The following EZH2 variants were observed in gnomAD, a reference collection of about 807,000 sequenced individuals.
The protein encoded by EZH2 is enhancer of zeste 2 polycomb repressive complex 2 subunit, also known as histone-lysine N-methyltransferase EZH2.
EZH2 carries 18 observed loss-of-function variants against 98.4 expected under a neutral mutation model. The ratio of observed to expected loss-of-function variants is 0.18; its 90% CI spans 0.13 to 0.27. The LOEUF is 0.27. EZH2 is among the 10% of genes least tolerant of loss of function. The pLI is 1.00. For missense variants in EZH2, 470 were observed against 935.1 expected, an observed-to-expected ratio of 0.50 and a Z score of 6.49; for synonymous variants, 338 against 312.3, an observed-to-expected ratio of 1.08 and a Z score of -0.87.
chr7:148,868,594 A>G (rs1818878190), intron 1 of EZH2, among the ~76,000 whole-genome samples: 1 of 152,190 alleles, frequency 6.6e-6, no homozygotes, highest in Non-Finnish European at 1.5e-5. Flanking sequence ...GGGGCCACAG[A>G]GCCAAACTAT....
rs891192477 is a variant in EZH2 at position 148,826,730 on chromosome 7, A to C, written c.729-98T>G. Reference sequence around the variant, plus strand: ...TTTCCATGTGTTACTTTTGATGTTTATCTTGCCTAAAACATAAAGGAATGG... The same window carrying C: ...TTTCCATGTGTTACTTTTGATGTTTCTCTTGCCTAAAACATAAAGGAATGG... On this transcript the variant is annotated intron_variant, in intron 7 of 19. Coordinates refer to ENST00000320356, the MANE Select transcript of EZH2 (RefSeq NM_004456.5). The C allele has an allele frequency of 9.1e-6, 9 of 989,734 alleles. No individual in the cohort carries two copies. In the East Asian group the frequency reaches 2.5e-4, roughly 27 times the overall value. 61.3% of individuals were successfully genotyped at this position (989,734 alleles called of 1,614,324 possible).
chr7:148,811,403 G>C (rs192182915), intron 16 of EZH2, among the ~76,000 whole-genome samples: 1 of 152,136 alleles, frequency 6.6e-6, no homozygotes, highest in Middle Eastern at 3.4e-3. Flanking sequence ...CACCTGCCTC[G>C]GCCTCCCAAA....
At chr7:148,842,863 C>T (rs181125260) in intron 3 of EZH2, among the ~76,000 whole-genome samples, 1 of 151,954 alleles carries the variant, frequency 6.6e-6, no homozygotes, top group African/African-American at 2.4e-5. Flanking sequence ...CCCAGGAGTT[C>T]GAGACCAGCC....
intron 1 of EZH2, among the ~76,000 whole-genome samples, chr7:148,860,047 C>T (rs937724473): frequency 1.3e-5 from 2 of 152,132 alleles, no homozygotes; most frequent in African/African-American, 2.4e-5. Flanking sequence ...TGAGGCTATG[C>T]CATTCTATAA....
chr7:148,810,041 G>A (rs1446715989), intron 17 of EZH2, among the ~76,000 whole-genome samples: 4 of 152,264 alleles, frequency 2.6e-5, no homozygotes, highest in Admixed American at 1.3e-4. Context: ...CTGAACACAA[G>A]AGGTGAGGTG....
intron 9 of EZH2, 114 bp from the exon 10 acceptor site, chr7:148,818,231 T>C (rs1401295600): frequency 9.1e-7 from 1 of 1,093,234 alleles, no homozygotes; most frequent in African/African-American, 1.6e-5. Flanking sequence ...ACATTATCCA[T>C]TTATCACAAA....
intron 13 of EZH2, 60 bp from the exon 14 acceptor site, chr7:148,815,099 CAATT>C (rs1392700181): frequency 1.3e-6 from 2 of 1,580,574 alleles, no homozygotes; most frequent in Non-Finnish European, 1.7e-6. Flanking sequence ...CGATCATACA[CAATT>C]AACACGAGTA....
chr7:148,818,075 T>A lies in EZH2; in HGVS notation c.1042A>T (p.Ile348Leu). ...EFAAALTAER[I>L]KTPPKRPGGR... ...CCTGGACGTTTTGGTGGGGTCTTTATCCGCTCAGCGGTGAGAGCAGCAGCA... is the reference window on the plus strand; with the variant it reads ...CCTGGACGTTTTGGTGGGGTCTTTAACCGCTCAGCGGTGAGAGCAGCAGCA... The change falls in exon 10 of 20, where the codon ATA becomes TTA. Residue 348 changes from isoleucine to leucine, a missense_variant. Ile to Leu is a conservative substitution (Grantham distance 5). Coordinates refer to ENST00000320356, the MANE Select transcript of EZH2 (RefSeq NM_004456.5). 6.2e-7 allele frequency: 1 copy of A among 1,613,190 alleles called. No individual in the cohort carries two copies. Among genetic ancestry groups the A allele is most frequent in the South Asian group, 1.1e-5 (1 of 90,904 alleles).
chr7:148,854,978 GAAAC>G (rs1816570702), intron 1 of EZH2, among the ~76,000 whole-genome samples: 1 of 152,200 alleles, frequency 6.6e-6, no homozygotes, highest in African/African-American at 2.4e-5. Context: ...TTACTTAAGA[GAAAC>G]AGATCCTATG....
rs1819062750 is a variant in EZH2 at position 148,869,728 on chromosome 7, T to C, written c.-8+14436A>G. Among the ~76,000 whole-genome samples the C allele has an allele frequency of 4.6e-5, 7 of 152,206 alleles. No individual in the cohort carries two copies. The South Asian group carries it at 1.4e-3, about 31-fold the overall frequency. ...TCATCTGCAAAATGAAGACATCCTC[T>C]CTGCAGGCACATACATGGTAGATAC... On this transcript the variant is annotated intron_variant, in intron 1 of 19. Transcript: ENST00000320356.
chr7:148,871,298 C>T (rs1819341701), intron 1 of EZH2, among the ~76,000 whole-genome samples: 1 of 146,136 alleles, frequency 6.8e-6, no homozygotes, highest in South Asian at 2.2e-4. Flanking sequence ...TTACTCAAAA[C>T]ATTAAAATAG....
chr7:148,872,167 A>T (rs1819512820), intron 1 of EZH2, among the ~76,000 whole-genome samples: 1 of 152,364 alleles, frequency 6.6e-6, no homozygotes, highest in Non-Finnish European at 1.5e-5. Flanking sequence ...AAAGAAAAAA[A>T]TTCTGTCACA....
At position 148,815,561 on chromosome 7, in the gene EZH2, A is replaced by G; in HGVS notation, c.1506-15T>C. 3 of 1,613,746 alleles carry G rather than the reference A, an allele frequency of 1.9e-6. No homozygotes were observed. Among genetic ancestry groups the G allele is most frequent in the Non-Finnish European group, 2.5e-6 (3 of 1,179,566 alleles). ...CAGCCCACAACCTGCAAAAACACAAAGAAAATTAAACCAAATTTCTGCGGG... is the reference window on the plus strand; with the variant it reads ...CAGCCCACAACCTGCAAAAACACAAGGAAAATTAAACCAAATTTCTGCGGG... On this transcript the variant is annotated splice_polypyrimidine_tract_variant and intron_variant, in intron 12 of 19. Transcript: ENST00000320356.
At chr7:148,871,403 TAAAAAA>T (rs71529646) in intron 1 of EZH2, among the ~76,000 whole-genome samples, 14 of 88,732 alleles carry the variant, frequency 1.6e-4, no homozygotes, top group Admixed American at 1.4e-4. Context: ...GACGAATAAT[TAAAAAA>T]AAAAAAAAAA....
At chr7:148,870,692 T>C (rs1819230932) in intron 1 of EZH2, among the ~76,000 whole-genome samples, 2 of 142,880 alleles carry the variant, frequency 1.4e-5, no homozygotes, top group South Asian at 4.4e-4. Context: ...TGGGACTCTG[T>C]CTCAAAAAAA....
At chr7:148,852,039 A>G (rs890088501) in intron 1 of EZH2, among the ~76,000 whole-genome samples, 14 of 152,362 alleles carry the variant, frequency 9.2e-5, no homozygotes, top group Middle Eastern at 3.4e-3. Context: ...AACTTTATCC[A>G]GAATACAAAA....
intron 9 of EZH2, chr7:148,818,916 G>C (rs1805282769): frequency 2.6e-6 from 1 of 379,900 alleles, no homozygotes; most frequent in Non-Finnish European, 5.2e-6. Context: ...GGAGAAGTTT[G>C]ACAGCAGCCA....
At chr7:148,809,973 T>C (rs1742594221) in intron 17 of EZH2, among the ~76,000 whole-genome samples, 1 of 152,228 alleles carries the variant, frequency 6.6e-6, no homozygotes, top group Non-Finnish European at 1.5e-5. Context: ...GCAAATGCAG[T>C]GCTCCTCCCC....
intron 3 of EZH2, among the ~76,000 whole-genome samples, chr7:148,843,590 T>TG (rs1563012430): frequency 3.0e-5 from 3 of 100,770 alleles, no homozygotes; most frequent in South Asian, 7.1e-4. Context: ...TAAGTTTTTT[T>TG]TTTTTTTTTT....
Sources: gnomAD v4.1 joint callset for allele counts (sites outside exome capture counted in the v4.1 genomes callset) on GRCh38, gnomAD v4.1.1 for gene constraint, MANE v1.5 for transcripts, NCBI Gene and HGNC (gene_info 2026-07-23, HGNC 2026-07-21) for gene names.